Variants in ANTXR1 observed in about 807,000 individuals in gnomAD.
ANTXR1 encodes the protein anthrax toxin receptor 1.
A neutral mutation model predicts 78.1 loss-of-function variants in ANTXR1; 19 were observed. The ratio of observed to expected loss-of-function variants is 0.24; its 90% confidence interval spans 0.17 to 0.36. ANTXR1 has a LOEUF of 0.36. Among genes scored for constraint, ANTXR1 ranks in the 10% least tolerant of loss-of-function variants. The pLI, the probability that ANTXR1 is intolerant of heterozygous loss-of-function variation, is 1.00. For missense variants in ANTXR1, 518 were observed against 718.6 expected (o/e 0.72, Z 3.19); for synonymous variants, 273 against 260.5 (o/e 1.05, Z -0.46).
At chr2:69,224,097 AGATGACCTGTACT>A (rs1417640924) in intron 17 of ANTXR1, among the ~76,000 whole-genome samples, 1 of 152,236 alleles carries the variant, frequency 6.6e-6, no homozygotes, top group Non-Finnish European at 1.5e-5. Context: ...AGCCTTTGAG[AGATGACCTGTACT>A]GATACAGATT....
intron 3 of ANTXR1, among the ~76,000 whole-genome samples, chr2:69,052,969 C>T (rs1669967174): frequency 6.6e-6 from 1 of 152,182 alleles, no homozygotes; most frequent in Non-Finnish European, 1.5e-5. Context: ...AATTTTTCCA[C>T]ATGTGTATGA....
intron 9 of ANTXR1, among the ~76,000 whole-genome samples, chr2:69,094,812 T>C (rs1019301702): frequency 2.0e-5 from 3 of 152,236 alleles, no homozygotes; most frequent in African/African-American, 7.2e-5. Context: ...CAAGGTGTAA[T>C]TTAATGGGAC....
intron 17 of ANTXR1, among the ~76,000 whole-genome samples, chr2:69,238,870 C>A (rs992170863): frequency 2.0e-5 from 3 of 152,166 alleles, no homozygotes; most frequent in African/African-American, 7.2e-5. Context: ...TCTGTGGAAG[C>A]CATAGCATAT....
chr2:69,091,032 G>C (rs1671216893), intron 9 of ANTXR1, 113 bp downstream of exon 9: 1 of 1,065,600 alleles, frequency 9.4e-7, no homozygotes, highest in East Asian at 2.5e-5. Flanking sequence ...GAAGGGGTAG[G>C]GTGAAAAGAG....
chr2:69,164,826 G>C (rs1673782989), intron 13 of ANTXR1, among the ~76,000 whole-genome samples: 1 of 152,220 alleles, frequency 6.6e-6, no homozygotes, highest in Non-Finnish European at 1.5e-5. Context: ...GCAGTGGAGA[G>C]CCCAGAGTTC....
chr2:69,143,096 T>C (rs1673116103), intron 12 of ANTXR1, among the ~76,000 whole-genome samples: 1 of 152,164 alleles, frequency 6.6e-6, no homozygotes, highest in Non-Finnish European at 1.5e-5. Context: ...TATCAGAATA[T>C]CATTTTAGGG....
intron 12 of ANTXR1, among the ~76,000 whole-genome samples, chr2:69,130,516 T>C (rs137938574): frequency 6.6e-6 from 1 of 152,312 alleles, no homozygotes; most frequent in African/African-American, 2.4e-5. Context: ...ATACAGGATA[T>C]TGAGTCGAAA....
intron 1 of ANTXR1, among the ~76,000 whole-genome samples, chr2:69,027,103 G>A (rs147586882): frequency 1.3e-5 from 2 of 152,244 alleles, no homozygotes; most frequent in East Asian, 1.9e-4. Context: ...CAGTCGAGTG[G>A]GGACCTGAGA....
At chr2:69,042,368 T>C (rs1669638570) in intron 2 of ANTXR1, among the ~76,000 whole-genome samples, 1 of 152,180 alleles carries the variant, frequency 6.6e-6, no homozygotes, top group South Asian at 2.1e-4. Flanking sequence ...AGTTCCAATC[T>C]ACTCCTAAAA....
At position 69,179,188 on chromosome 2, in the gene ANTXR1, T is replaced by G. The variant is rs552385675; in HGVS notation, c.1090-2598T>G. Among the ~76,000 whole-genome samples the G allele has an allele frequency of 6.6e-5, 10 of 152,330 alleles. No homozygotes were observed. In the South Asian group the frequency reaches 1.4e-3, roughly 22 times the overall value. ...AAACCTCGGAAATTCTAAGGTAAAG[T>G]AATATGAACTATAATATTTTATTGT... On this transcript the variant is annotated intron_variant, in intron 14 of 17. Coordinates refer to ENST00000303714, the MANE Select transcript of ANTXR1 (RefSeq NM_032208.3).
chr2:69,016,167 A>G (rs997923356), intron 1 of ANTXR1, among the ~76,000 whole-genome samples: 8 of 152,228 alleles, frequency 5.3e-5, no homozygotes, highest in Admixed American at 2.0e-4. Context: ...GTGCAGTTCA[A>G]TACAGTAGCT....
chr2:69,172,367 GAAAAT>G (rs1460454406), intron 14 of ANTXR1: 7 of 1,611,924 alleles, frequency 4.3e-6, no homozygotes, highest in Admixed American at 1.7e-5. Flanking sequence ...ATTTTGGCAG[GAAAAT>G]AAAATAAAAT....
chr2:69,180,227 A>C (rs1397569974), intron 14 of ANTXR1, among the ~76,000 whole-genome samples: 1 of 152,178 alleles, frequency 6.6e-6, no homozygotes, highest in East Asian at 1.9e-4. Context: ...GCCCCATCCC[A>C]CGCAGTGGTG....
intron 1 of ANTXR1, among the ~76,000 whole-genome samples, chr2:69,015,287 C>G (rs1365802529): frequency 1.6e-5 from 2 of 124,976 alleles, no homozygotes; most frequent in Non-Finnish European, 3.4e-5. Flanking sequence ...AAAAAAAAAA[C>G]AGGTAAAAAG....
At chr2:69,055,740 G>C (rs540082770) in intron 3 of ANTXR1, among the ~76,000 whole-genome samples, 9 of 151,888 alleles carry the variant, frequency 5.9e-5, no homozygotes, top group Non-Finnish European at 1.2e-4. Flanking sequence ...TCAAATTTTG[G>C]AGTACAATTT....
At chr2:69,066,222 A>C (rs1670393185) in intron 3 of ANTXR1, among the ~76,000 whole-genome samples, 1 of 152,158 alleles carries the variant, frequency 6.6e-6, no homozygotes, top group Admixed American at 6.5e-5. Flanking sequence ...ACCTCAGTAG[A>C]ATACTTGGGA....
chr2:69,134,998 G>A (rs912751134), intron 12 of ANTXR1: 7 of 399,600 alleles, frequency 1.8e-5, no homozygotes, highest in Non-Finnish European at 3.1e-5. Flanking sequence ...TTAACAGGAT[G>A]GCTTGTGGTT....
intron 3 of ANTXR1, among the ~76,000 whole-genome samples, chr2:69,057,734 A>G (rs541951535): frequency 6.6e-6 from 1 of 152,308 alleles, no homozygotes; most frequent in Non-Finnish European, 1.5e-5. Context: ...AGTAGTTGCA[A>G]GTTCCTCACT....
At chr2:69,178,300 A>C (rs1489132685) in intron 14 of ANTXR1, among the ~76,000 whole-genome samples, 1 of 152,218 alleles carries the variant, frequency 6.6e-6, no homozygotes, top group Non-Finnish European at 1.5e-5. Context: ...CTGCAGGGGA[A>C]ACTCTGACTC....
Sources: gnomAD v4.1 joint callset for allele counts (sites outside exome capture counted in the v4.1 genomes callset) on GRCh38, gnomAD v4.1.1 for gene constraint, MANE v1.5 for transcripts, NCBI Gene and HGNC (gene_info 2026-07-23, HGNC 2026-07-21) for gene names.